Variants in DMXL1 observed in about 807,000 individuals in gnomAD.
DMXL1 encodes the protein Dmx like 1.
DMXL1 carries 99 observed loss-of-function variants against 319.2 expected under a neutral mutation model. The ratio of observed to expected loss-of-function variants is 0.31; its 90% CI spans 0.26 to 0.37. The LOEUF is 0.37. Among genes scored for constraint, DMXL1 ranks in the 10% least tolerant of loss-of-function variants. DMXL1 has a pLI of 1.00. For synonymous variants in DMXL1, 1,385 were observed against 1,235.2 expected, an observed-to-expected ratio of 1.12 and a Z score of -2.54; for missense variants, 3,745 against 3,595.6, an observed-to-expected ratio of 1.04 and a Z score of -1.06.
chr5:119,139,659 T>G (rs1049162338), intron 13 of DMXL1, among the ~76,000 whole-genome samples: 1 of 152,056 alleles, frequency 6.6e-6, no homozygotes. Flanking sequence ...AGACATAGAC[T>G]CCCACACAAT....
At chr5:119,178,587 C>T in intron 28 of DMXL1, 1 of 985,008 alleles carries the variant, frequency 1.0e-6, no homozygotes, top group Non-Finnish European at 1.2e-6. Flanking sequence ...AGGCACTTTG[C>T]TATGCCTAGC....
intron 13 of DMXL1, among the ~76,000 whole-genome samples, chr5:119,143,577 A>G (rs1767884051): frequency 1.3e-5 from 2 of 152,036 alleles, no homozygotes; most frequent in Non-Finnish European, 1.5e-5. Context: ...TCAATTTTTC[A>G]CATTTATGGA....
At chr5:119,168,047 G>A (rs371693940) in intron 23 of DMXL1, among the ~76,000 whole-genome samples, 183 bp downstream of exon 23, 3 of 152,114 alleles carry the variant, frequency 2.0e-5, no homozygotes, top group Admixed American at 1.3e-4. Context: ...AACAAAGAAC[G>A]TTGGATTTTC....
chr5:119,222,699 C>T (rs1223398739), intron 37 of DMXL1, among the ~76,000 whole-genome samples: 1 of 152,086 alleles, frequency 6.6e-6, no homozygotes, highest in Admixed American at 6.5e-5. Flanking sequence ...TCAGATTTCC[C>T]AATACGGCTT....
chr5:119,088,582 T>C (rs1189738813), intron 1 of DMXL1, among the ~76,000 whole-genome samples: 4 of 152,220 alleles, frequency 2.6e-5, no homozygotes, highest in Non-Finnish European at 2.9e-5. Context: ...CTTACTGTTA[T>C]CCTTTGTGGT....
At chr5:119,216,549 A>G (rs73790970) in intron 34 of DMXL1, among the ~76,000 whole-genome samples, 188 of 152,302 alleles carry the variant, frequency 1.2e-3, no homozygotes, top group African/African-American at 4.0e-3. Context: ...TTAAAAAATA[A>G]TATGAAAGAA....
At chr5:119,114,440 C>A in intron 5 of DMXL1, 35 bp from the exon 6 acceptor site, 2 of 1,447,078 alleles carry the variant, frequency 1.4e-6, no homozygotes, top group Non-Finnish European at 1.9e-6. Context: ...TTTTAGTTTT[C>A]ATTGCAAATT....
intron 9 of DMXL1, among the ~76,000 whole-genome samples, chr5:119,125,039 A>G (rs1411166268): frequency 6.6e-6 from 1 of 152,348 alleles, no homozygotes; most frequent in Admixed American, 6.5e-5. Flanking sequence ...CCTAGGACAT[A>G]TAATTTAATC....
At chr5:119,210,440 T>C (rs1052419191) in intron 34 of DMXL1, among the ~76,000 whole-genome samples, 6 of 152,216 alleles carry the variant, frequency 3.9e-5, no homozygotes, top group African/African-American at 7.2e-5. Context: ...TTCAAGTTAA[T>C]TTGTTTACAT....
chr5:119,215,075 C>T (rs780962854), intron 34 of DMXL1, among the ~76,000 whole-genome samples: 2 of 152,144 alleles, frequency 1.3e-5, no homozygotes, highest in African/African-American at 2.4e-5. Context: ...GGATGATCGG[C>T]GTTTTGTAGT....
At chr5:119,206,306 A>G (rs1781732281) in intron 33 of DMXL1, among the ~76,000 whole-genome samples, 1 of 152,088 alleles carries the variant, frequency 6.6e-6, no homozygotes, top group Non-Finnish European at 1.5e-5. Flanking sequence ...AACAAGTACT[A>G]CTATTCCCTT....
intron 35 of DMXL1, among the ~76,000 whole-genome samples, chr5:119,217,779 G>T (rs1206807500): frequency 6.6e-6 from 1 of 152,128 alleles, no homozygotes; most frequent in African/African-American, 2.4e-5. Context: ...ATACAGGGAA[G>T]TGTGATATAC....
chr5:119,088,493 A>G (rs1753864065), intron 1 of DMXL1, among the ~76,000 whole-genome samples: 1 of 152,186 alleles, frequency 6.6e-6, no homozygotes, highest in Non-Finnish European at 1.5e-5. Flanking sequence ...TGCCTTTAAA[A>G]AAGTATTATT....
In DMXL1 at chr5:119,101,996, A is replaced by G. The variant is rs151204410; in HGVS notation, c.275A>G (p.Lys92Arg). 4.2e-5 allele frequency: 67 copies of G among 1,598,188 alleles called. No individual in the cohort carries two copies. Among genetic ancestry groups the G allele is most frequent in the Non-Finnish European group, 5.6e-5 (66 of 1,169,920 alleles). Residue 92 changes from lysine to arginine, a missense_variant, in exon 3 of 44, where the codon AAG (lysine) becomes AGG (arginine). Transcript: ENST00000539542. ...IFEPVNLPKQKKNLELYSQWQ... is the reference protein window; with the variant it reads ...IFEPVNLPKQRKNLELYSQWQ... Reference sequence around the variant, plus strand: ...GAACCAGTTAACCTACCAAAACAAAAGAAAAATTTGGTCAGTAATTTATGA... The same window carrying G: ...GAACCAGTTAACCTACCAAAACAAAGGAAAAATTTGGTCAGTAATTTATGA...
intron 1 of DMXL1, among the ~76,000 whole-genome samples, chr5:119,088,319 A>C (rs1753825653): frequency 6.6e-6 from 1 of 151,806 alleles, no homozygotes; most frequent in Non-Finnish European, 1.5e-5. Context: ...CCACCCCTTT[A>C]CTTTCAGTCT....
chr5:119,200,461 G>A (rs1780493740), intron 32 of DMXL1, among the ~76,000 whole-genome samples: 1 of 152,122 alleles, frequency 6.6e-6, no homozygotes, highest in Non-Finnish European at 1.5e-5. Context: ...ATACTGTTCT[G>A]TTTTGGTTAC....
chr5:119,233,534 G>A, intron 39 of DMXL1, 67 bp downstream of exon 39: 1 of 1,450,896 alleles, frequency 6.9e-7, no homozygotes, highest in Non-Finnish European at 9.5e-7. Flanking sequence ...CCACTAGTTT[G>A]GGTTTCTGAA....
At chr5:119,194,044 A>C (rs1382900373) in intron 30 of DMXL1, 74 bp downstream of exon 30, 5 of 1,074,244 alleles carry the variant, frequency 4.7e-6, no homozygotes, top group Non-Finnish European at 6.4e-6. Context: ...AAAAAATTAC[A>C]TGTGAAATTA....
At position 119,203,361 on chromosome 5, in the gene DMXL1, G is replaced by A. The variant is rs1201393375; in HGVS notation, c.7788G>A (p.Gln2596=). ...CACTGTCTGTGAAGAGGCTTTGGCA[G>A]TATTTGGTGAAGCAGGAAGAAATTC... ...HLALSVKRLW[Q]YLVKQEEIQE... is the part of the protein sequence containing the mutation. The change falls in exon 33 of 44, where the codon CAG becomes CAA. Residue 2596 remains glutamine (Q), a synonymous_variant. Transcript: ENST00000539542. 2 of 1,606,966 alleles carry A rather than the reference G, an allele frequency of 1.2e-6. No individual in the cohort carries two copies. Among genetic ancestry groups the A allele is most frequent in the Non-Finnish European group, 1.7e-6 (2 of 1,177,208 alleles).
Sources: gnomAD v4.1 joint callset for allele counts (sites outside exome capture counted in the v4.1 genomes callset) on GRCh38, gnomAD v4.1.1 for gene constraint, MANE v1.5 for transcripts, NCBI Gene and HGNC (gene_info 2026-07-23, HGNC 2026-07-21) for gene names.